The following SLC8A3 variants were observed in gnomAD, a reference collection of about 807,000 sequenced individuals.
The protein encoded by SLC8A3 is solute carrier family 8 member A3.
Under a neutral mutation model 65.4 loss-of-function variants are expected in SLC8A3, and 37 were observed. That is an observed-to-expected ratio of 0.57 (90% CI 0.44 to 0.74). The LOEUF (loss-of-function observed/expected upper bound fraction) is 0.74. SLC8A3 is among the 30% of genes least tolerant of loss of function. The pLI is 0.00. For synonymous variants in SLC8A3, 461 were observed against 444.5 expected (o/e 1.04, Z -0.47); for missense variants, 1,112 against 1,172.1 (o/e 0.95, Z 0.75).
At chr14:70,058,446 T>A (rs1888408467) in intron 3 of SLC8A3, among the ~76,000 whole-genome samples, 1 of 152,158 alleles carries the variant, frequency 6.6e-6, no homozygotes, top group South Asian at 2.1e-4. Flanking sequence ...GCTGGAAAAT[T>A]GACCAATTTC....
intron 2 of SLC8A3, among the ~76,000 whole-genome samples, chr14:70,151,006 G>A (rs889807331): frequency 1.3e-4 from 20 of 152,152 alleles, no homozygotes; most frequent in Non-Finnish European, 1.0e-4. Flanking sequence ...TGTAATCCCC[G>A]CACTTTGAGA....
intron 2 of SLC8A3, among the ~76,000 whole-genome samples, chr14:70,122,183 G>A (rs921585404): frequency 1.3e-5 from 2 of 152,190 alleles, no homozygotes; most frequent in African/African-American, 4.8e-5. Flanking sequence ...ATTGGAGAAG[G>A]TGGCATCTTT....
intron 2 of SLC8A3, among the ~76,000 whole-genome samples, chr14:70,154,682 C>G (rs1179903858): frequency 6.6e-6 from 1 of 152,154 alleles, no homozygotes; most frequent in Non-Finnish European, 1.5e-5. Context: ...TGCACTTTTT[C>G]AAGCACAATC....
chr14:70,064,180 C>T (rs1023231155), intron 2 of SLC8A3, among the ~76,000 whole-genome samples: 2 of 152,206 alleles, frequency 1.3e-5, no homozygotes, highest in Non-Finnish European at 1.5e-5. Flanking sequence ...TCAAGCTTCA[C>T]AGCCGAGGGC....
At chr14:70,069,676 T>C (rs942253597) in intron 2 of SLC8A3, among the ~76,000 whole-genome samples, 1 of 152,156 alleles carries the variant, frequency 6.6e-6, no homozygotes, top group African/African-American at 2.4e-5. Flanking sequence ...CCGCCACCTG[T>C]CACCAACAAC....
At chr14:70,050,124 G>A (rs1332032235) in intron 5 of SLC8A3, among the ~76,000 whole-genome samples, 3 of 152,180 alleles carry the variant, frequency 2.0e-5, no homozygotes, top group East Asian at 1.9e-4. Context: ...CTGAACCTCA[G>A]TCCCCTCCTT....
In SLC8A3 at chr14:70,186,817, C is replaced by A. The variant is rs559527230; in HGVS notation, c.-63+1562G>T. On this transcript the variant is annotated intron_variant, in intron 1 of 6. Transcript: ENST00000356921. The stretch of plus-strand genomic sequence containing the variant: ...TCTCAAACTTGGATCCAGCCAGTGA[C>A]GCCAGCAAAAAGAAGCCCCAGCCCG... Among the ~76,000 whole-genome samples the A allele has an allele frequency of 1.0e-3, 157 of 152,192 alleles. 4 individuals are homozygous for A. In the South Asian group the frequency reaches 0.022, roughly 21 times the overall value.
At chr14:70,179,149 A>G (rs1882502503) in intron 1 of SLC8A3, among the ~76,000 whole-genome samples, 1 of 152,088 alleles carries the variant, frequency 6.6e-6, no homozygotes, top group Non-Finnish European at 1.5e-5. Flanking sequence ...AAATATCCAC[A>G]TAGGTCACTT....
intron 2 of SLC8A3, among the ~76,000 whole-genome samples, chr14:70,137,972 C>T (rs1463601013): frequency 2.6e-5 from 4 of 152,236 alleles, no homozygotes; most frequent in South Asian, 4.2e-4. Flanking sequence ...GTGCCTCAAT[C>T]CATCACTCCG....
chr14:70,129,657 AGAGG>A (rs1187943802), intron 2 of SLC8A3, among the ~76,000 whole-genome samples: 1 of 152,232 alleles, frequency 6.6e-6, no homozygotes, highest in African/African-American at 2.4e-5. Context: ...TCACAGGCCA[AGAGG>A]GAGATAGTTG....
At chr14:70,059,433 A>C (rs757538777) in intron 3 of SLC8A3, 10 of 152,208 alleles carry the variant, frequency 6.6e-5, no homozygotes, top group Non-Finnish European at 1.2e-4. Context: ...TCCCAGCAGC[A>C]TATCTCTCCT....
chr14:70,131,752 G>A (rs1894840919), intron 2 of SLC8A3, among the ~76,000 whole-genome samples: 1 of 152,214 alleles, frequency 6.6e-6, no homozygotes, highest in African/African-American at 2.4e-5. Context: ...CATTGTATAT[G>A]CGTGAAAATC....
chr14:70,166,673 A>G lies in SLC8A3; in HGVS notation c.1750T>C (p.Tyr584His), dbSNP rs757495507. 3 of 1,610,178 alleles carry G rather than the reference A, an allele frequency of 1.9e-6. No homozygotes were observed. The highest frequency in any genetic ancestry group is 3.4e-5 in the Admixed American group (2 of 59,660). Reference sequence around the variant, plus strand: ...TCATTCTTGAATTCCAACTCCCCATATGTGTCTTCAAAGTCCTCACCGCCA... The same window carrying G: ...TCATTCTTGAATTCCAACTCCCCATGTGTGTCTTCAAAGTCCTCACCGCCA... ...KGGGEDFEDTYGELEFKNDET... is the reference protein window; with the variant it reads ...KGGGEDFEDTHGELEFKNDET... Residue 584 changes from tyrosine to histidine, a missense_variant, in exon 2 of 7, where the codon TAT becomes CAT. Coordinates refer to ENST00000356921, the MANE Select transcript of SLC8A3 (RefSeq NM_182932.3).
chr14:70,146,392 C>T (rs530876008), intron 2 of SLC8A3, among the ~76,000 whole-genome samples: 60 of 152,216 alleles, frequency 3.9e-4, no homozygotes, highest in African/African-American at 1.3e-3. Flanking sequence ...AGTTGGGTTT[C>T]GTATCTGCAG....
chr14:70,069,035 T>C (rs188134779), intron 2 of SLC8A3, among the ~76,000 whole-genome samples: 117 of 152,332 alleles, frequency 7.7e-4, no homozygotes, highest in African/African-American at 2.8e-3. Flanking sequence ...ATTACTTCCA[T>C]TTTAAAGATG....
chr14:70,099,375 A>T (rs542413265), intron 2 of SLC8A3, among the ~76,000 whole-genome samples: 1 of 152,348 alleles, frequency 6.6e-6, no homozygotes, highest in Non-Finnish European at 1.5e-5. Flanking sequence ...CCCTTTACAG[A>T]AGTAGTTTGC....
intron 6 of SLC8A3, chr14:70,047,455 A>G (rs1259156358): frequency 6.6e-6 from 1 of 152,134 alleles, no homozygotes; most frequent in Non-Finnish European, 1.5e-5. Context: ...TGGAGAACAG[A>G]GATCACAGGG....
intron 2 of SLC8A3, among the ~76,000 whole-genome samples, chr14:70,102,478 G>T (rs1038620241): frequency 2.0e-5 from 3 of 152,098 alleles, no homozygotes. Context: ...AGAAAAAAAT[G>T]TGACCGACAG....
At chr14:70,087,091 T>G (rs1368208357) in intron 2 of SLC8A3, among the ~76,000 whole-genome samples, 1 of 152,248 alleles carries the variant, frequency 6.6e-6, no homozygotes, top group African/African-American at 2.4e-5. Flanking sequence ...AAAAGAAATA[T>G]TCTCAAGAAT....
Sources: gnomAD v4.1 joint callset for allele counts (sites outside exome capture counted in the v4.1 genomes callset) on GRCh38, gnomAD v4.1.1 for gene constraint, MANE v1.5 for transcripts, NCBI Gene and HGNC (gene_info 2026-07-23, HGNC 2026-07-21) for gene names.